The following GPC5 variants were observed in gnomAD, a reference collection of about 807,000 sequenced individuals.
GPC5 encodes glypican 5, also known as glypican-5.
Under a neutral mutation model 53.9 loss-of-function variants are expected in GPC5, and 47 were observed. The observed-to-expected ratio is 0.87, with a 90% CI of 0.69 to 1.11. The LOEUF (loss-of-function observed/expected upper bound fraction) is 1.11, where lower values mean the gene tolerates loss of function less well. Ranked by LOEUF, GPC5 falls within the 50% of genes most tolerant of loss-of-function variation. The pLI is 0.00. For synonymous variants in GPC5, 286 were observed against 263.3 expected (o/e 1.09, Z -0.84); for missense variants, 748 against 713.1 (o/e 1.05, Z -0.56).
At chr13:92,411,940 G>A (rs1214418771) in intron 7 of GPC5, among the ~76,000 whole-genome samples, 2 of 152,044 alleles carry the variant, frequency 1.3e-5, no homozygotes, top group African/African-American at 4.8e-5. Flanking sequence ...AAAAGTAATG[G>A]CAAGATCACA....
intron 7 of GPC5, among the ~76,000 whole-genome samples, chr13:92,316,040 G>C (rs1238162611): frequency 6.6e-6 from 1 of 152,174 alleles, no homozygotes; most frequent in Non-Finnish European, 1.5e-5. Context: ...CTACAGGTCA[G>C]ATAGAATTCG....
At chr13:92,105,961 A>G (rs1459756976) in intron 6 of GPC5, among the ~76,000 whole-genome samples, 3 of 151,964 alleles carry the variant, frequency 2.0e-5, no homozygotes, top group Non-Finnish European at 4.4e-5. Flanking sequence ...ATGGAAGAAT[A>G]CAGTATTTAT....
chr13:91,861,185 T>C (rs4630398), intron 5 of GPC5, among the ~76,000 whole-genome samples: 90,423 of 152,054 alleles, frequency 0.59, 27,556 homozygotes, highest in East Asian at 0.95. Context: ...AATGTAAATT[T>C]AGCATTTTAA....
chr13:91,468,343 A>T (rs1411777368), intron 2 of GPC5, among the ~76,000 whole-genome samples: 1 of 151,978 alleles, frequency 6.6e-6, no homozygotes, highest in Non-Finnish European at 1.5e-5. Context: ...GATATGCTGG[A>T]CTCTTCACCT....
rs182486224 is a variant in GPC5 at position 91,415,779 on chromosome 13, A to T, written c.163+16570A>T. On this transcript the variant is annotated intron_variant, in intron 1 of 7. Coordinates refer to ENST00000377067, the MANE Select transcript of GPC5 (RefSeq NM_004466.6). Reference sequence around the variant, plus strand: ...GTGGGGGCTTGTAAGGAGACTATAAACTATCTATTTAACCAAATGTAAAGA... The same window carrying T: ...GTGGGGGCTTGTAAGGAGACTATAATCTATCTATTTAACCAAATGTAAAGA... Among the ~76,000 whole-genome samples the T allele has an allele frequency of 7.9e-5, 12 of 152,138 alleles. No individual in the cohort carries two copies. The East Asian group carries it at 2.3e-3, about 29-fold the overall frequency.
At chr13:92,742,082 T>C (rs1012238609) in intron 7 of GPC5, among the ~76,000 whole-genome samples, 7 of 151,786 alleles carry the variant, frequency 4.6e-5, no homozygotes, top group Admixed American at 3.9e-4. Context: ...TGATTTATAG[T>C]CCTTTGGGTA....
At chr13:92,474,639 A>G (rs550531592) in intron 7 of GPC5, among the ~76,000 whole-genome samples, 50 of 152,106 alleles carry the variant, frequency 3.3e-4, no homozygotes, top group African/African-American at 1.1e-3. Flanking sequence ...GATGGTTAAA[A>G]AAAAAAAACC....
chr13:91,960,711 A>G (rs2040118674), intron 6 of GPC5, among the ~76,000 whole-genome samples: 1 of 152,026 alleles, frequency 6.6e-6, no homozygotes, highest in Non-Finnish European at 1.5e-5. Flanking sequence ...AGAGACGTGG[A>G]TAAATGGAAC....
At chr13:92,400,138 C>A (rs1191006182) in intron 7 of GPC5, among the ~76,000 whole-genome samples, 1 of 152,150 alleles carries the variant, frequency 6.6e-6, no homozygotes, top group Non-Finnish European at 1.5e-5. Flanking sequence ...GGTGTGGAAG[C>A]AATCTTCTTA....
At chr13:91,644,937 A>C (rs1396320452) in intron 2 of GPC5, among the ~76,000 whole-genome samples, 4 of 152,278 alleles carry the variant, frequency 2.6e-5, no homozygotes, top group Non-Finnish European at 5.9e-5. Flanking sequence ...AGATATTTTA[A>C]ACCAAATTCA....
At chr13:92,199,756 A>T (rs2042281420) in intron 7 of GPC5, among the ~76,000 whole-genome samples, 2 of 152,214 alleles carry the variant, frequency 1.3e-5, no homozygotes, top group African/African-American at 4.8e-5. Flanking sequence ...CCAAAAAAGC[A>T]TTGAAGTTTT....
intron 7 of GPC5, chr13:92,240,623 C>T (rs2042605336): frequency 6.6e-6 from 1 of 152,276 alleles, no homozygotes; most frequent in African/African-American, 2.4e-5. Flanking sequence ...CCTGCCTCAG[C>T]CTCCCGAGTA....
chr13:92,422,490 A>ACG (rs1201627669), intron 7 of GPC5, among the ~76,000 whole-genome samples: 2 of 38,248 alleles, frequency 5.2e-5, no homozygotes, highest in African/African-American at 2.5e-4. Flanking sequence ...TCACCATCTC[A>ACG]CACACACACA....
intron 7 of GPC5, among the ~76,000 whole-genome samples, chr13:92,523,415 C>G (rs1594274085): frequency 6.6e-6 from 1 of 152,010 alleles, no homozygotes; most frequent in Admixed American, 6.6e-5. Flanking sequence ...CAAATACCTC[C>G]TTTTTGTATG....
chr13:92,397,836 T>C (rs950449415), intron 7 of GPC5, among the ~76,000 whole-genome samples: 5 of 152,194 alleles, frequency 3.3e-5, no homozygotes, highest in African/African-American at 1.2e-4. Flanking sequence ...TCATTTTGTA[T>C]ACATCTCAGA....
At chr13:91,665,051 A>G (rs1429786198) in intron 2 of GPC5, among the ~76,000 whole-genome samples, 1 of 152,258 alleles carries the variant, frequency 6.6e-6, no homozygotes, top group Non-Finnish European at 1.5e-5. Context: ...CAGTGGTTTC[A>G]AGAACAAATA....
intron 1 of GPC5, among the ~76,000 whole-genome samples, chr13:91,409,890 T>A (rs1253158715): frequency 1.3e-5 from 2 of 152,200 alleles, no homozygotes; most frequent in Non-Finnish European, 2.9e-5. Context: ...GTTCCCAGTG[T>A]CTGTGTTTCC....
chr13:91,716,149 C>T (rs973007166), intron 3 of GPC5, among the ~76,000 whole-genome samples: 6 of 151,902 alleles, frequency 3.9e-5, no homozygotes, highest in African/African-American at 1.5e-4. Context: ...ATTTTATAGT[C>T]GTTGAAGAAT....
chr13:92,497,955 T>C (rs1339708243), intron 7 of GPC5, among the ~76,000 whole-genome samples: 1 of 152,070 alleles, frequency 6.6e-6, no homozygotes, highest in Non-Finnish European at 1.5e-5. Context: ...ATCCTGAGAC[T>C]GCTGAAGTTG....
Sources: gnomAD v4.1 joint callset for allele counts (sites outside exome capture counted in the v4.1 genomes callset) on GRCh38, gnomAD v4.1.1 for gene constraint, MANE v1.5 for transcripts, NCBI Gene and HGNC (gene_info 2026-07-23, HGNC 2026-07-21) for gene names.